Variants in EEFSEC observed in about 807,000 individuals in gnomAD.
The protein encoded by EEFSEC is selenocysteine-specific elongation factor.
In EEFSEC, 43 loss-of-function variants were observed where a neutral mutation model predicts 42.1. The ratio of observed to expected loss-of-function variants is 1.02; its 90% CI spans 0.80 to 1.32. The LOEUF (loss-of-function observed/expected upper bound fraction) is 1.32, where lower values mean the gene tolerates loss of function less well. Ranked by LOEUF, EEFSEC falls within the 40% of genes most tolerant of loss-of-function variation. EEFSEC has a pLI of 0.00. For missense variants in EEFSEC, 745 were observed against 803.6 expected (o/e 0.93, Z 0.88); for synonymous variants, 354 against 339.1 (o/e 1.04, Z -0.48).
At chr3:128,315,519 G>A (rs1303781297) in intron 4 of EEFSEC, among the ~76,000 whole-genome samples, 1 of 152,194 alleles carries the variant, frequency 6.6e-6, no homozygotes, top group East Asian at 1.9e-4. Context: ...CTGTGCCCGA[G>A]GGCCATGCTG....
At chr3:128,182,495 G>A (rs2065419208) in intron 1 of EEFSEC, among the ~76,000 whole-genome samples, 1 of 152,152 alleles carries the variant, frequency 6.6e-6, no homozygotes, top group Non-Finnish European at 1.5e-5. Context: ...TCCCCGCACT[G>A]CCAACACACA....
chr3:128,256,456 A>G (rs2066242731), intron 2 of EEFSEC, among the ~76,000 whole-genome samples: 1 of 152,220 alleles, frequency 6.6e-6, no homozygotes, highest in Non-Finnish European at 1.5e-5. Context: ...AATAAAATCA[A>G]CAATAAAAGC....
At chr3:128,424,023 C>T in the EEFSEC span, among the ~76,000 whole-genome samples, 16 of 152,198 alleles carry the variant, frequency 1.1e-4, no homozygotes, top group African/African-American at 3.6e-4. Context: ...GACACAGAAA[C>T]GACACCCAGA....
chr3:128,274,781 T>TA (rs1430123972), intron 4 of EEFSEC, among the ~76,000 whole-genome samples: 2 of 152,194 alleles, frequency 1.3e-5, no homozygotes, highest in Non-Finnish European at 2.9e-5. Context: ...GTCCCAGGCA[T>TA]AAACGGCCAG....
At chr3:128,252,760 A>G (rs1291969887) in intron 2 of EEFSEC, among the ~76,000 whole-genome samples, 2 of 152,184 alleles carry the variant, frequency 1.3e-5, no homozygotes, top group Non-Finnish European at 2.9e-5. Context: ...TTTGTGTGCT[A>G]ACGAACGTCA....
At chr3:128,186,940 T>G (rs1051415159) in intron 1 of EEFSEC, among the ~76,000 whole-genome samples, 1 of 152,194 alleles carries the variant, frequency 6.6e-6, no homozygotes, top group Admixed American at 6.5e-5. Context: ...CAGCCTGTCT[T>G]CCTGTGTGAG....
intron 1 of EEFSEC, among the ~76,000 whole-genome samples, chr3:128,168,382 C>G (rs1018014702): frequency 1.3e-5 from 2 of 152,164 alleles, no homozygotes; most frequent in Non-Finnish European, 2.9e-5. Context: ...TCCTGGAGTG[C>G]CAGGTTGCTA....
chr3:128,172,273 A>G (rs958561613), intron 1 of EEFSEC, among the ~76,000 whole-genome samples: 2 of 152,232 alleles, frequency 1.3e-5, no homozygotes, highest in African/African-American at 4.8e-5. Flanking sequence ...GGCCCAGCAC[A>G]TTAAGGACAT....
intron 6 of EEFSEC, among the ~76,000 whole-genome samples, chr3:128,393,522 G>A (rs1368727432): frequency 2.0e-5 from 3 of 152,224 alleles, no homozygotes; most frequent in East Asian, 3.8e-4. Flanking sequence ...GGTGCTCCAA[G>A]CTGAGGCCTA....
chr3:128,336,431 C>G (rs1282619943), intron 4 of EEFSEC, among the ~76,000 whole-genome samples: 1 of 152,190 alleles, frequency 6.6e-6, no homozygotes, highest in Non-Finnish European at 1.5e-5. Context: ...AGTGTCATTC[C>G]TCTGCCATCC....
At chr3:128,312,998 G>A (rs1042719349) in intron 4 of EEFSEC, among the ~76,000 whole-genome samples, 1 of 152,202 alleles carries the variant, frequency 6.6e-6, no homozygotes, top group Non-Finnish European at 1.5e-5. Context: ...TTTCTTGGCG[G>A]TGTGAACTTG....
chr3:128,381,630 G>A (rs969079867), intron 6 of EEFSEC, among the ~76,000 whole-genome samples: 2 of 152,182 alleles, frequency 1.3e-5, no homozygotes, highest in Non-Finnish European at 2.9e-5. Context: ...GACAGCTTTG[G>A]GCCTGCTTCC....
intron 6 of EEFSEC, among the ~76,000 whole-genome samples, chr3:128,380,173 C>T (rs915361174): frequency 6.6e-6 from 1 of 152,200 alleles, no homozygotes; most frequent in Non-Finnish European, 1.5e-5. Context: ...GTGGGCACCC[C>T]GATACCCACT....
intron 6 of EEFSEC, among the ~76,000 whole-genome samples, chr3:128,391,097 G>A (rs972430492): frequency 1.3e-4 from 20 of 152,364 alleles, no homozygotes; most frequent in African/African-American, 4.3e-4. Context: ...CTGGGCCTGC[G>A]TGATTCCCTC....
intron 1 of EEFSEC, among the ~76,000 whole-genome samples, chr3:128,180,734 A>G (rs567775783): frequency 6.6e-6 from 1 of 152,346 alleles, no homozygotes; most frequent in South Asian, 2.1e-4. Context: ...GCAGGTCCAG[A>G]GCCAGCAGAA....
At chr3:128,392,131 C>A (rs2067920627) in intron 6 of EEFSEC, among the ~76,000 whole-genome samples, 1 of 152,240 alleles carries the variant, frequency 6.6e-6, no homozygotes, top group Non-Finnish European at 1.5e-5. Flanking sequence ...AGCCTGCTGG[C>A]AGCCCTCATG....
At chr3:128,272,657 A>G (rs537205919) in intron 4 of EEFSEC, among the ~76,000 whole-genome samples, 186 of 152,292 alleles carry the variant, frequency 1.2e-3, no homozygotes, top group African/African-American at 4.3e-3. Context: ...TGAGAGCAAA[A>G]TGGCATCTCT....
intron 6 of EEFSEC, among the ~76,000 whole-genome samples, chr3:128,380,754 C>T (rs150690300): frequency 1.4e-3 from 215 of 152,318 alleles, no homozygotes; most frequent in African/African-American, 4.8e-3. Context: ...TGTACACCTG[C>T]GACCTGTTGG....
the EEFSEC span, among the ~76,000 whole-genome samples, chr3:128,419,330 C>G: frequency 2.0e-5 from 3 of 152,270 alleles, no homozygotes; most frequent in East Asian, 5.8e-4. Flanking sequence ...GAGTGAAATA[C>G]TCAACAATAG....
Sources: gnomAD v4.1 joint callset for allele counts (sites outside exome capture counted in the v4.1 genomes callset) on GRCh38, gnomAD v4.1.1 for gene constraint, MANE v1.5 for transcripts, NCBI Gene and HGNC (gene_info 2026-07-23, HGNC 2026-07-21) for gene names.